Variants in SERPINB4 observed in about 807,000 individuals in gnomAD.
The protein encoded by SERPINB4 is serpin family B member 4, also known as serpin B4.
SERPINB4 carries 39 observed loss-of-function variants against 33.2 expected under a neutral mutation model. The observed-to-expected ratio is 1.18, with a 90% CI of 0.91 to 1.53. SERPINB4 has a LOEUF of 1.53. Ranked by LOEUF, SERPINB4 falls within the 40% of genes most tolerant of loss-of-function variation. The pLI is 0.00. For missense variants in SERPINB4, 564 were observed against 455.4 expected, an observed-to-expected ratio of 1.24 and a Z score of -2.17; for synonymous variants, 191 against 166.4, an observed-to-expected ratio of 1.15 and a Z score of -1.14.
chr18:63,639,838 C>T (rs1321112424), intron 5 of SERPINB4, 62 bp from the exon 6 acceptor site: 21 of 1,466,066 alleles, frequency 1.4e-5, no homozygotes, highest in Non-Finnish European at 2.0e-5. Flanking sequence ...CTGGAAGATG[C>T]TTTGCAAATG....
chr18:63,641,822 C>G lies in SERPINB4; in HGVS notation c.289G>C (p.Asp97His), dbSNP rs1172523137. The change falls in exon 4 of 8, where the codon GAT (aspartate) becomes CAT (histidine). Residue 97 changes from aspartate (D) to histidine (H), a missense_variant. By Grantham distance (81) the Asp-to-His change is moderately conservative (BLOSUM62 -1). Coordinates refer to ENST00000341074, the MANE Select transcript of SERPINB4 (RefSeq NM_002974.4). The stretch of plus-strand genomic sequence containing the variant: ...TTGGCGATCTTCAGCTCATATGCAT[C>G]AGTGGATTTGTTGAATTCAGTCAGA... ...KLLTEFNKST[D>H]AYELKIANKL... 18 of 1,613,470 alleles carry G rather than the reference C, an allele frequency of 1.1e-5. No individual in the cohort carries two copies. The highest frequency in any genetic ancestry group is 1.4e-5 in the Non-Finnish European group (17 of 1,179,572).
intron 3 of SERPINB4, among the ~76,000 whole-genome samples, chr18:63,642,598 C>G (rs1469713206): frequency 6.6e-6 from 1 of 152,078 alleles, no homozygotes; most frequent in South Asian, 2.1e-4. Context: ...ACTATTAAGG[C>G]TCTAAACCAA....
chr18:63,638,298 A>G (rs995892725), intron 7 of SERPINB4, among the ~76,000 whole-genome samples, 175 bp from the exon 8 acceptor site: 1 of 152,112 alleles, frequency 6.6e-6, no homozygotes, highest in African/African-American at 2.4e-5. Flanking sequence ...GAATATATAA[A>G]TACATTGGGT....
At chr18:63,640,089 A>G (rs999899368) in intron 5 of SERPINB4, among the ~76,000 whole-genome samples, 1 of 151,246 alleles carries the variant, frequency 6.6e-6, no homozygotes, top group Non-Finnish European at 1.5e-5. Context: ...GATTTTGTCT[A>G]CTCTTCCAAC....
chr18:63,638,256 A>C (rs999598710), intron 7 of SERPINB4, 133 bp from the exon 8 acceptor site: 2 of 1,011,580 alleles, frequency 2.0e-6, no homozygotes. Flanking sequence ...TTTAATAGAC[A>C]TTATTATTCT....
chr18:63,638,152 T>G, intron 7 of SERPINB4, 29 bp from the exon 8 acceptor site: 1 of 1,599,204 alleles, frequency 6.3e-7, no homozygotes, highest in Non-Finnish European at 8.5e-7. Context: ...GAAACTGATA[T>G]GACTAACTGT....
intron 2 of SERPINB4, 64 bp downstream of exon 2, chr18:63,643,349 G>C: frequency 6.2e-7 from 1 of 1,610,550 alleles, no homozygotes; most frequent in Non-Finnish European, 8.5e-7. Context: ...ATTACCATCT[G>C]CGTGCTAGCC....
At chr18:63,639,041 A>G in intron 7 of SERPINB4, 144 bp downstream of exon 7, 1 of 926,514 alleles carries the variant, frequency 1.1e-6, no homozygotes, top group Admixed American at 2.8e-5. Context: ...AATATTTGTA[A>G]TATGAAGGTG....
At position 63,637,779 on chromosome 18, in the gene SERPINB4, G is replaced by A. The variant is rs2144460580; in HGVS notation, c.1113C>T (p.Phe371=). ...EEFCCNHPFL[F]FIRQNKTNSI... ...TGTTGGTCTTATTTTGCCTTATGAA[G>A]AATAGGAAAGGGTGATTACAACAGA... The change falls in exon 8 of 8, where the codon TTC becomes TTT. Residue 371 remains phenylalanine (F), a synonymous_variant. Coordinates refer to ENST00000341074, the MANE Select transcript of SERPINB4 (RefSeq NM_002974.4). 1 of 1,613,396 alleles carries A rather than the reference G, an allele frequency of 6.2e-7. No individual in the cohort carries two copies. The highest frequency in any genetic ancestry group is 1.1e-5 in the South Asian group (1 of 91,046).
intron 6 of SERPINB4, 66 bp downstream of exon 6, chr18:63,639,568 C>A: frequency 1.7e-6 from 2 of 1,168,166 alleles, no homozygotes; most frequent in South Asian, 1.5e-5. Context: ...TGTTACATTC[C>A]ATCAGAAATG....
rs547795618 is a variant in SERPINB4, at chr18:63,643,644, A to G, written c.-26-41T>C. On this transcript the variant is annotated intron_variant, in intron 1 of 7. Transcript: ENST00000341074. ...ATTCCTGTCAGAATGACTTTAATAA[A>G]TGGAATGGTATTTTGTAGTACAATT... 4.2e-5 allele frequency: 65 copies of G among 1,556,428 alleles called. No individual in the cohort carries two copies. In the East Asian group the frequency reaches 1.3e-3, roughly 31 times the overall value.
chr18:63,641,489 G>A (rs1270597931), intron 4 of SERPINB4, among the ~76,000 whole-genome samples: 1 of 151,842 alleles, frequency 6.6e-6, no homozygotes, highest in African/African-American at 2.4e-5. Context: ...GTTTATCGAT[G>A]GTATCTTATT....
At chr18:63,643,678 G>A in intron 1 of SERPINB4, 75 bp from the exon 2 acceptor site, 1 of 1,475,920 alleles carries the variant, frequency 6.8e-7, no homozygotes. Context: ...TTTTCTTAAA[G>A]AAATGATATA....
At chr18:63,641,521 T>C (rs905479785) in intron 4 of SERPINB4, among the ~76,000 whole-genome samples, 18 of 152,118 alleles carry the variant, frequency 1.2e-4, no homozygotes, top group East Asian at 1.2e-3. Flanking sequence ...TTACTCACTC[T>C]ATTACACAAC....
At chr18:63,643,855 T>C (rs1913226192) in intron 1 of SERPINB4, among the ~76,000 whole-genome samples, 2 of 152,098 alleles carry the variant, frequency 1.3e-5, no homozygotes, top group African/African-American at 4.8e-5. Flanking sequence ...TTATCTTTCT[T>C]TCATTGCTGG....
intron 2 of SERPINB4, 81 bp downstream of exon 2, chr18:63,643,332 C>G: frequency 6.2e-7 from 1 of 1,609,304 alleles, no homozygotes; most frequent in South Asian, 1.1e-5. Flanking sequence ...ATCAGACCAC[C>G]ACATCTATTA....
rs116410766 is a variant in SERPINB4, at chr18:63,638,598, G to A, written c.769-475C>T. On this transcript the variant is annotated intron_variant, in intron 7 of 7. Transcript: ENST00000341074. ...TAAATTTGTATTCCCTTTTCTACTCGGCCTATTTGTAAACTTTCCTCACAT... is the reference window on the plus strand; with the variant it reads ...TAAATTTGTATTCCCTTTTCTACTCAGCCTATTTGTAAACTTTCCTCACAT... 4.3e-3 allele frequency among the ~76,000 whole-genome samples: 647 copies of A among 151,130 alleles called. 7 individuals carry two copies. The highest frequency in any genetic ancestry group is 0.015 in the African/African-American group (607 of 41,138).
chr18:63,639,973 T>C (rs985451162), intron 5 of SERPINB4, among the ~76,000 whole-genome samples, 197 bp from the exon 6 acceptor site: 2 of 151,914 alleles, frequency 1.3e-5, no homozygotes, highest in African/African-American at 4.8e-5. Flanking sequence ...GCTCCAGTCG[T>C]ATAAAGTTAC....
intron 3 of SERPINB4, chr18:63,642,836 A>T: frequency 3.8e-6 from 1 of 260,448 alleles, no homozygotes; most frequent in Non-Finnish European, 7.3e-6. Flanking sequence ...TCTTACCCTT[A>T]GTTTTCTGGG....
Sources: allele counts gnomAD v4.1 joint callset (sites outside exome capture counted in the v4.1 genomes callset), GRCh38; gene constraint gnomAD v4.1.1; transcripts MANE v1.5; gene names NCBI Gene and HGNC (gene_info 2026-07-23, HGNC 2026-07-21).